Variants in DSC2 observed in about 807,000 individuals in gnomAD.
DSC2 encodes desmocollin-2.
DSC2 carries 51 observed loss-of-function variants against 87.6 expected under a neutral mutation model. The observed-to-expected ratio is 0.58, with a 90% CI of 0.46 to 0.74. The LOEUF (loss-of-function observed/expected upper bound fraction) is 0.74, where lower values mean the gene tolerates loss of function less well. DSC2 is among the 30% of genes least tolerant of loss of function. The pLI is 0.00. For synonymous variants in DSC2, 383 were observed against 393.2 expected (o/e 0.97, Z 0.31); for missense variants, 1,066 against 1,089.5 (o/e 0.98, Z 0.30).
intron 14 of DSC2, among the ~76,000 whole-genome samples, 163 bp from the exon 15 acceptor site, chr18:31,069,314 T>C (rs1461097429): frequency 6.6e-6 from 1 of 152,116 alleles, no homozygotes; most frequent in Non-Finnish European, 1.5e-5. Context: ...CATACCCAAC[T>C]ATGGAAACCC....
At position 31,082,106 on chromosome 18, in the gene DSC2, G is replaced by C. The variant is rs199816110; in HGVS notation, c.1263+132C>G. On this transcript the variant is annotated intron_variant, in intron 9 of 15. Transcript: ENST00000280904. ...ATATATTCTTTCCATTGTATATGAA[G>C]AACAGAGCATTTGCATTTACTTATA... 17 of 793,084 alleles carry C rather than the reference G, an allele frequency of 2.1e-5. No individual in the cohort carries two copies. The East Asian group carries it at 4.6e-4, about 21-fold the overall frequency. 49.1% of individuals were successfully genotyped at this position (793,084 alleles called of 1,614,324 possible).
chr18:31,101,574 AC>A (rs1178090660), intron 1 of DSC2: 5 of 290,600 alleles, frequency 1.7e-5, no homozygotes, highest in African/African-American at 1.4e-4. Flanking sequence ...ACCCCGGCGC[AC>A]TCCCGCCCCG....
chr18:31,068,104 T>A lies in DSC2; in HGVS notation c.2617A>T (p.Ser873Cys). Reference sequence around the variant, plus strand: ...AGCCCATCTTCTTCTTGTCGTTCACTGCAACAACCTACAGACCCAGCCACC... The same window carrying A: ...AGCCCATCTTCTTCTTGTCGTTCACAGCAACAACCTACAGACCCAGCCACC... ...GSVAGSVGCCSERQEEDGLEF... is the reference protein window; with the variant it reads ...GSVAGSVGCCCERQEEDGLEF... Residue 873 changes from serine to cysteine, a missense_variant, in exon 16 of 16, where the codon AGT becomes TGT. Ser to Cys is a moderately radical substitution (Grantham distance 112). Transcript: ENST00000280904. 6.2e-7 allele frequency: 1 copy of A among 1,614,110 alleles called. No homozygotes were observed. The highest frequency in any genetic ancestry group is 1.3e-5 in the African/African-American group (1 of 75,056).
chr18:31,091,681 T>C (rs1987604199), intron 3 of DSC2: 2 of 451,146 alleles, frequency 4.4e-6, no homozygotes, highest in East Asian at 7.0e-5. Flanking sequence ...CACAATAGCA[T>C]GCATGTGGTC....
chr18:31,091,044 G>A lies in DSC2; in HGVS notation c.458C>T (p.Pro153Leu). 5.6e-6 allele frequency: 9 copies of A among 1,614,022 alleles called. No homozygotes were observed. The highest frequency in any genetic ancestry group is 7.6e-6 in the Non-Finnish European group (9 of 1,179,934). Residue 153 changes from proline (P) to leucine (L), a missense_variant, in exon 4 of 16, where the codon CCA becomes CTA. Coordinates refer to ENST00000280904, the MANE Select transcript of DSC2 (RefSeq NM_024422.6). ...AAACGGTACCTGTTGAAGGAAAAGT[G>A]GAAAAGGACCCAAGGAGTTTTCTAG... is the stretch of plus-strand genomic sequence containing the variant. Reference protein sequence around the residue: ...SMLENSLGPFPLFLQQVQSDT... With the variant: ...SMLENSLGPFLLFLQQVQSDT...
chr18:31,092,378 G>T, intron 2 of DSC2, 78 bp from the exon 3 acceptor site: 2 of 1,311,408 alleles, frequency 1.5e-6, no homozygotes, highest in South Asian at 1.2e-5. Flanking sequence ...TGCACGTGGG[G>T]AGAGCCAAAA....
At chr18:31,069,303 G>T (rs1986748345) in intron 14 of DSC2, 152 bp from the exon 15 acceptor site, 2 of 1,013,868 alleles carry the variant, frequency 2.0e-6, no homozygotes, top group African/African-American at 1.6e-5. Context: ...TGTGAATCCT[G>T]CATACCCAAC....
Position 31,071,591 on chromosome 18 carries a change from G to T in DSC2, c.2125+14C>A. ...AGGGTATTATTTGAATTCAAGAAAG[G>T]ACTTAAGACTTACAAAAGAGCAATG... On this transcript the variant is annotated intron_variant, in intron 13 of 15. Coordinates refer to ENST00000280904, the MANE Select transcript of DSC2 (RefSeq NM_024422.6). 1 of 1,607,016 alleles carries T rather than the reference G, an allele frequency of 6.2e-7. No homozygotes were observed. Among genetic ancestry groups the T allele is most frequent in the East Asian group, 2.2e-5 (1 of 44,826 alleles).
intron 3 of DSC2, chr18:31,091,440 C>A (rs766968652): frequency 1.3e-5 from 7 of 522,060 alleles, no homozygotes; most frequent in Non-Finnish European, 2.6e-5. Context: ...ACTGTTGCCC[C>A]ATTGCCATGC....
At chr18:31,077,734 T>C (rs1435108410) in intron 11 of DSC2, among the ~76,000 whole-genome samples, 1 of 152,164 alleles carries the variant, frequency 6.6e-6, no homozygotes, top group Non-Finnish European at 1.5e-5. Context: ...AAATATGAAG[T>C]CACATGAGGT....
Position 31,071,832 on chromosome 18 carries a change from G to A in DSC2, c.1898C>T (p.Ala633Val), listed in dbSNP as rs1986847217. ...WRLKAINDTA[A>V]RLSYQNDPPF... ...AGGATCATTCTGATAGGAAAGACGTGCTGCTGTATCTGAAAATATAAATAA... is the reference window on the plus strand; with the variant it reads ...AGGATCATTCTGATAGGAAAGACGTACTGCTGTATCTGAAAATATAAATAA... Residue 633 changes from alanine to valine, a missense_variant, in exon 13 of 16, where the codon GCA (alanine) becomes GTA (valine). Physicochemically the swap from Ala to Val is moderately conservative, Grantham distance 64 (BLOSUM62 0). Coordinates refer to ENST00000280904, the MANE Select transcript of DSC2 (RefSeq NM_024422.6). 1 of 1,612,474 alleles carries A rather than the reference G, an allele frequency of 6.2e-7. No individual in the cohort carries two copies. Among genetic ancestry groups the A allele is most frequent in the Non-Finnish European group, 8.5e-7 (1 of 1,178,724 alleles).
Position 31,079,962 on chromosome 18 carries a change from C to T in DSC2, c.1548G>A (p.Gly516=). 6.2e-7 allele frequency: 1 copy of T among 1,613,884 alleles called. No homozygotes were observed. The highest frequency in any genetic ancestry group is 8.5e-7 in the Non-Finnish European group (1 of 1,179,912). Residue 516 remains glycine (G), a synonymous_variant, in exon 11 of 16, where the codon GGG becomes GGA. Coordinates refer to ENST00000280904, the MANE Select transcript of DSC2 (RefSeq NM_024422.6). ...IRYKKLTDPT[G]WVTIDENTGS... ...CTGTATTTTCATCAATGGTGACCCA[C>T]CCTGTTGGATCAGTTAATTTCTTAT...
chr18:31,080,425 T>A, intron 9 of DSC2, 73 bp from the exon 10 acceptor site: 4 of 1,536,286 alleles, frequency 2.6e-6, no homozygotes, highest in Non-Finnish European at 3.6e-6. Flanking sequence ...GTATATATAA[T>A]GTTAAATTTG....
chr18:31,099,215 C>T (rs768557444), intron 1 of DSC2, among the ~76,000 whole-genome samples: 2 of 152,004 alleles, frequency 1.3e-5, no homozygotes, highest in Non-Finnish European at 2.9e-5. Context: ...GATAAAATGC[C>T]CTAGGGAAAG....
chr18:31,089,730 C>T (rs1403910575), intron 4 of DSC2, 136 bp from the exon 5 acceptor site: 3 of 862,028 alleles, frequency 3.5e-6, no homozygotes, highest in East Asian at 5.8e-5. Flanking sequence ...TAAATTAAAA[C>T]AGCAATAGAA....
intron 5 of DSC2, among the ~76,000 whole-genome samples, chr18:31,088,385 A>AT (rs1263201915): frequency 1.3e-5 from 2 of 152,232 alleles, no homozygotes; most frequent in South Asian, 2.1e-4. Flanking sequence ...ATACAGTTTA[A>AT]TTTTTTTGTT....
At chr18:31,073,015 G>A (rs990303961) in intron 12 of DSC2, among the ~76,000 whole-genome samples, 3 of 151,890 alleles carry the variant, frequency 2.0e-5, no homozygotes, top group African/African-American at 2.4e-5. Flanking sequence ...TAAATAGCAC[G>A]GTCAGATTTA....
At chr18:31,099,757 T>C (rs991873876) in intron 1 of DSC2, among the ~76,000 whole-genome samples, 2 of 152,128 alleles carry the variant, frequency 1.3e-5, no homozygotes, top group African/African-American at 4.8e-5. Flanking sequence ...AAGCCAGGTG[T>C]GGTCTGAAGA....
chr18:31,068,114 T>C lies in DSC2; in HGVS notation c.2607A>G (p.Val869=). Reference sequence around the variant, plus strand: ...CTTCTTGTCGTTCACTGCAACAACCTACAGACCCAGCCACCGATCCTCTTC... The same window carrying C: ...CTTCTTGTCGTTCACTGCAACAACCCACAGACCCAGCCACCGATCCTCTTC... The part of the protein sequence containing the change: ...YEGRGSVAGS[V]GCCSERQEED... Residue 869 remains valine (V), a synonymous_variant, in exon 16 of 16, where the codon GTA becomes GTG. Coordinates refer to ENST00000280904, the MANE Select transcript of DSC2 (RefSeq NM_024422.6). 6.2e-7 allele frequency: 1 copy of C among 1,614,084 alleles called. No individual in the cohort carries two copies. The highest frequency in any genetic ancestry group is 8.5e-7 in the Non-Finnish European group (1 of 1,180,000).
Sources: allele counts gnomAD v4.1 joint callset (sites outside exome capture counted in the v4.1 genomes callset), GRCh38; gene constraint gnomAD v4.1.1; transcripts MANE v1.5; gene names NCBI Gene and HGNC (gene_info 2026-07-23, HGNC 2026-07-21).